Variants in PADI4 observed in about 807,000 individuals in gnomAD.
The protein encoded by PADI4 is protein-arginine deiminase type-4.
In PADI4, 62 loss-of-function variants were observed where a neutral mutation model predicts 75.0. The observed-to-expected ratio is 0.83, with a 90% confidence interval of 0.67 to 1.02. The LOEUF (loss-of-function observed/expected upper bound fraction) is 1.02. PADI4 is among the 50% of genes least tolerant of loss of function. PADI4 has a pLI of 0.00. For synonymous variants in PADI4, 361 were observed against 348.1 expected (o/e 1.04, Z -0.41); for missense variants, 845 against 850.5 (o/e 0.99, Z 0.08).
intron 8 of PADI4, among the ~76,000 whole-genome samples, chr1:17,345,359 T>C (rs1298037960): frequency 6.6e-6 from 1 of 152,232 alleles, no homozygotes; most frequent in Non-Finnish European, 1.5e-5. Flanking sequence ...TTTTGGATTG[T>C]GAACTTTTGG....
At position 17,308,837 on chromosome 1, in the gene PADI4, G is replaced by A. The variant is rs574356739; in HGVS notation, c.92+523G>A. 1.6e-4 allele frequency among the ~76,000 whole-genome samples: 25 copies of A among 152,192 alleles called. No homozygotes were observed. The South Asian group carries it at 4.6e-3, about 28-fold the overall frequency. Reference sequence around the variant, plus strand: ...TGCTGCTGGCTAGCAAGGAGGCCTTGGGCAACTGAGCCTCAGTTGCCTCAT... The same window carrying A: ...TGCTGCTGGCTAGCAAGGAGGCCTTAGGCAACTGAGCCTCAGTTGCCTCAT... On this transcript the variant is annotated intron_variant, in intron 1 of 15. Coordinates refer to ENST00000375448, the MANE Select transcript of PADI4 (RefSeq NM_012387.3).
At chr1:17,361,282 C>T (rs2100262581) in intron 15 of PADI4, among the ~76,000 whole-genome samples, 1 of 152,314 alleles carries the variant, frequency 6.6e-6, no homozygotes, top group Middle Eastern at 3.4e-3. Context: ...AGTATTGACC[C>T]CAAGCGTTTT....
chr1:17,323,098 G>C (rs1454233326), intron 1 of PADI4, among the ~76,000 whole-genome samples: 1 of 152,204 alleles, frequency 6.6e-6, no homozygotes, highest in Non-Finnish European at 1.5e-5. Context: ...TCATATGGCT[G>C]TTGGTAGGAT....
At chr1:17,351,313 G>A (rs554310358) in intron 10 of PADI4, among the ~76,000 whole-genome samples, 13 of 150,800 alleles carry the variant, frequency 8.6e-5, no homozygotes, top group African/African-American at 2.9e-4. Context: ...TCTTAAAGCC[G>A]AGTCTGGTGG....
In PADI4 at chr1:17,334,025, G is replaced by C; in HGVS notation, c.340+16G>C. 6.4e-7 allele frequency: 1 copy of C among 1,561,858 alleles called. No homozygotes were observed. Among genetic ancestry groups the C allele is most frequent in the South Asian group, 1.1e-5 (1 of 90,084 alleles). ...ACCGGGGTGGGTAAGTGACAACCAG[G>C]ATCCTAGAGTGCCGTCTCATCCCCT... is the stretch of plus-strand genomic sequence containing the variant. On this transcript the variant is annotated intron_variant, in intron 3 of 15. Transcript: ENST00000375448.
rs1236561326 is a variant in PADI4, at chr1:17,330,917, G to A, written c.93-52G>A. 140 of 1,252,160 alleles carry A rather than the reference G, an allele frequency of 1.1e-4. 2 individuals carry two copies. The South Asian group carries it at 1.2e-3, about 11-fold the overall frequency. The allele number at this position is 1,252,160 out of a possible 1,614,324, so 77.6% of individuals were successfully genotyped here. Reference sequence around the variant, plus strand: ...AGAAATGCTGGGAGAGCCATGGCTGGCCCAGCCCCTCCTCACTGCATCCTC... The same window carrying A: ...AGAAATGCTGGGAGAGCCATGGCTGACCCAGCCCCTCCTCACTGCATCCTC... On this transcript the variant is annotated intron_variant, in intron 1 of 15. Transcript: ENST00000375448.
chr1:17,356,526 G>A lies in PADI4; in HGVS notation c.1558+67G>A. On this transcript the variant is annotated intron_variant, in intron 13 of 15. Coordinates refer to ENST00000375448, the MANE Select transcript of PADI4 (RefSeq NM_012387.3). This position sits in a 1 kb window ranked among gnomAD's most constrained non-coding sequence, Gnocchi z 4.1. ...TGCTTCCCATAGTCCGCTGTTGCCT[G>A]GAGGGAATCATCCAGGCAATAGGGT... 2 of 951,746 alleles carry A rather than the reference G, an allele frequency of 2.1e-6. No individual in the cohort carries two copies. Among genetic ancestry groups the A allele is most frequent in the Non-Finnish European group, 3.3e-6 (2 of 602,384 alleles). 59.0% of individuals were successfully genotyped at this position (951,746 alleles called of 1,614,324 possible). A position where few individuals can be genotyped will look rare whatever the true frequency, so the allele number is the denominator to read the frequency against.
intron 8 of PADI4, among the ~76,000 whole-genome samples, chr1:17,344,960 A>G (rs2074489165): frequency 6.6e-6 from 1 of 152,224 alleles, no homozygotes; most frequent in African/African-American, 2.4e-5. Flanking sequence ...CCAGAAGGGT[A>G]GATCCACTGA....
intron 1 of PADI4, among the ~76,000 whole-genome samples, chr1:17,315,364 A>C (rs1158511467): frequency 2.6e-5 from 4 of 152,206 alleles, no homozygotes; most frequent in Non-Finnish European, 5.9e-5. Flanking sequence ...GAATGAAAGA[A>C]AGTTGAGAGC....
At chr1:17,336,438 G>A (rs1175923481) in intron 4 of PADI4, among the ~76,000 whole-genome samples, 2 of 152,174 alleles carry the variant, frequency 1.3e-5, no homozygotes, top group Non-Finnish European at 1.5e-5. Flanking sequence ...GTTCAGATGT[G>A]TTATCCTACA....
chr1:17,312,598 G>A (rs895698032), intron 1 of PADI4, among the ~76,000 whole-genome samples: 1 of 152,128 alleles, frequency 6.6e-6, no homozygotes, highest in Admixed American at 6.5e-5. Context: ...GTGGGGAGAG[G>A]AATAGTCACT....
At chr1:17,342,634 G>C (rs2074443714) in intron 8 of PADI4, among the ~76,000 whole-genome samples, 1 of 152,204 alleles carries the variant, frequency 6.6e-6, no homozygotes, top group Non-Finnish European at 1.5e-5. Flanking sequence ...TGTAGAGTGT[G>C]TCCCATGGAC....
chr1:17,334,304 T>A (rs2074269835), intron 3 of PADI4: 1 of 357,480 alleles, frequency 2.8e-6, no homozygotes, highest in African/African-American at 3.0e-5. Flanking sequence ...TGCATCTCCA[T>A]TAATTTTTTT....
At chr1:17,336,377 G>A (rs1345384807) in intron 4 of PADI4, 151 bp downstream of exon 4, 9 of 623,810 alleles carry the variant, frequency 1.4e-5, no homozygotes, top group East Asian at 5.6e-5. Context: ...TAATATTTTG[G>A]CTTATGTATT....
intron 3 of PADI4, among the ~76,000 whole-genome samples, chr1:17,335,003 C>A (rs996950877): frequency 6.6e-6 from 1 of 151,976 alleles, no homozygotes; most frequent in African/African-American, 2.4e-5. Flanking sequence ...AACAGCTGAG[C>A]ATGGTGGCAT....
chr1:17,324,225 G>C (rs1351635377), intron 1 of PADI4, among the ~76,000 whole-genome samples: 1 of 146,132 alleles, frequency 6.8e-6, no homozygotes, highest in East Asian at 2.0e-4. Context: ...CTGTTGAATC[G>C]TGTCATTTAT....
At position 17,354,550 on chromosome 1, in the gene PADI4, T is replaced by C. The variant is rs1287555777; in HGVS notation, c.1173T>C (p.Tyr391=). 2 of 1,614,046 alleles carry C rather than the reference T, an allele frequency of 1.2e-6. No individual in the cohort carries two copies. Among genetic ancestry groups the C allele is most frequent in the Non-Finnish European group, 1.7e-6 (2 of 1,180,022 alleles). The change falls in exon 11 of 16, where the codon TAT becomes TAC. Residue 391 remains tyrosine, a synonymous_variant. Coordinates refer to ENST00000375448, the MANE Select transcript of PADI4 (RefSeq NM_012387.3). ...TATCTCAGGGTCCAGATTTTGGCTA[T>C]GTAACTCGAGGGCCCCAAACAGGGG... ...IKRVMGPDFG[Y]VTRGPQTGGI...
chr1:17,338,941 G>A (rs927245964), intron 5 of PADI4, among the ~76,000 whole-genome samples: 19 of 152,202 alleles, frequency 1.2e-4, no homozygotes, highest in African/African-American at 4.3e-4. Context: ...CCTCTGTACA[G>A]TGCCTGACAT....
Position 17,323,773 on chromosome 1 carries a change from C to T in PADI4, c.93-7196C>T, listed in dbSNP as rs540669297. ...GCTTAAGCCCAGGAGGCAGAGGTTGCAGTGAGCTGAGATCACACCACTACA... is the reference window on the plus strand; with the variant it reads ...GCTTAAGCCCAGGAGGCAGAGGTTGTAGTGAGCTGAGATCACACCACTACA... On this transcript the variant is annotated intron_variant, in intron 1 of 15. Transcript: ENST00000375448. Among the ~76,000 whole-genome samples the T allele has an allele frequency of 1.1e-3, 161 of 152,098 alleles. 1 individual carries two copies. The highest frequency in any genetic ancestry group is 3.4e-3 in the Middle Eastern group (1 of 294).
Sources: allele counts gnomAD v4.1 joint callset (sites outside exome capture counted in the v4.1 genomes callset), GRCh38; gene constraint gnomAD v4.1.1; non-coding constraint Gnocchi (gnomAD v3.1); transcripts MANE v1.5; gene names NCBI Gene and HGNC (gene_info 2026-07-23, HGNC 2026-07-21).